Variants in REEP5 observed in about 807,000 individuals in gnomAD.
REEP5 encodes receptor expression-enhancing protein 5.
Under a neutral mutation model 22.4 loss-of-function variants are expected in REEP5, and 24 were observed. The observed-to-expected ratio is 1.07, with a 90% CI of 0.78 to 1.51. The LOEUF is 1.51. REEP5 is among the 40% of genes most tolerant of loss of function. REEP5 has a pLI of 0.00. For synonymous variants in REEP5, 103 were observed against 88.6 expected (o/e 1.16, Z -0.92); for missense variants, 252 against 233.0 (o/e 1.08, Z -0.53).
In REEP5 at chr5:112,899,097, G is replaced by A. The variant is rs548127042; in HGVS notation, c.351+3283C>T. On this transcript the variant is annotated intron_variant, in intron 3 of 4. Coordinates refer to ENST00000379638, the MANE Select transcript of REEP5 (RefSeq NM_005669.5). ...TGTTCTATTACTTTTTTTCTTTTTCGAGACAGGGTCTCACTCTGTCACCCA... is the reference window on the plus strand; with the variant it reads ...TGTTCTATTACTTTTTTTCTTTTTCAAGACAGGGTCTCACTCTGTCACCCA... Among the ~76,000 whole-genome samples the A allele has an allele frequency of 4.6e-5, 7 of 151,176 alleles. No individual in the cohort carries two copies. The East Asian group carries it at 1.4e-3, about 29-fold the overall frequency.
chr5:112,879,047 G>A lies in REEP5; in HGVS notation c.521-212C>T, dbSNP rs562536984. On this transcript the variant is annotated intron_variant, in intron 4 of 4. Transcript: ENST00000379638. ...TAGAGCACAAATCCTAAATACTTGA[G>A]CAAAATACTTGAAGGTCATCTAGCC... Among the ~76,000 whole-genome samples, 13 of 152,146 alleles carry A rather than the reference G, an allele frequency of 8.5e-5. 1 individual carries two copies. The Middle Eastern group carries it at 0.027, about 318-fold the overall frequency.
intron 4 of REEP5, among the ~76,000 whole-genome samples, chr5:112,883,453 A>C (rs1037531933): frequency 3.9e-5 from 6 of 152,162 alleles, no homozygotes; most frequent in African/African-American, 1.2e-4. Context: ...GGGATACCAC[A>C]CGCTCATGGT....
At chr5:112,878,992 GGGTTT>G (rs1478525732) in intron 4 of REEP5, among the ~76,000 whole-genome samples, 157 bp from the exon 5 acceptor site, 1 of 151,912 alleles carries the variant, frequency 6.6e-6, no homozygotes, top group Non-Finnish European at 1.5e-5. Flanking sequence ...TGGGCTAAGA[GGGTTT>G]CCAGGAAATG....
At chr5:112,900,841 CTT>C (rs538292150) in intron 3 of REEP5, among the ~76,000 whole-genome samples, 6 of 143,822 alleles carry the variant, frequency 4.2e-5, no homozygotes, top group Non-Finnish European at 4.6e-5. Context: ...GAATATATTT[CTT>C]TTTTTTTTTT....
intron 3 of REEP5, chr5:112,892,387 C>G: frequency 6.2e-7 from 1 of 1,614,066 alleles, no homozygotes; most frequent in South Asian, 1.1e-5. Context: ...GGATGTGTTG[C>G]CCGAGTTCAA....
chr5:112,920,144 G>A (rs969502793), intron 2 of REEP5, among the ~76,000 whole-genome samples: 23 of 152,086 alleles, frequency 1.5e-4, no homozygotes, highest in African/African-American at 5.3e-4. Flanking sequence ...TGTCTGTACC[G>A]GACTAACACA....
At chr5:112,884,750 T>A (rs1489469546) in intron 4 of REEP5, among the ~76,000 whole-genome samples, 2 of 148,456 alleles carry the variant, frequency 1.3e-5, no homozygotes, top group Non-Finnish European at 3.0e-5. Context: ...CGTCTCTATT[T>A]AAAATCATAA....
chr5:112,899,436 C>T (rs1272168394), intron 3 of REEP5, among the ~76,000 whole-genome samples: 1 of 152,118 alleles, frequency 6.6e-6, no homozygotes, highest in Non-Finnish European at 1.5e-5. Context: ...AAAGCTAGCA[C>T]AACTGTCCTG....
In REEP5 at chr5:112,921,021, C is replaced by CCCA. The variant is rs1289499221; in HGVS notation, c.212+139_212+141dup. ...AGGTTCCAAAATGGTGAATACTATC[C>CCCA]CCACCCCTTATGTCCAACCTCATCC... is the stretch of plus-strand genomic sequence containing the variant. On this transcript the variant is annotated intron_variant, in intron 2 of 4. Transcript: ENST00000379638. The CCCA allele has an allele frequency of 1.7e-4, 121 of 732,150 alleles. No homozygotes were observed. In the East Asian group the frequency reaches 3.3e-3, roughly 20 times the overall value. The allele number at this position is 732,150 out of a possible 1,614,324, so 45.4% of individuals were successfully genotyped here.
chr5:112,921,113 G>T lies in REEP5; in HGVS notation c.212+50C>A, dbSNP rs568639529. The T allele has an allele frequency of 4.4e-5, 69 of 1,561,338 alleles. No individual in the cohort carries two copies. In the South Asian group the frequency reaches 7.3e-4, roughly 17 times the overall value. On this transcript the variant is annotated intron_variant, in intron 2 of 4. Coordinates refer to ENST00000379638, the MANE Select transcript of REEP5 (RefSeq NM_005669.5). ...GTGCAGTCTACTGCAGCAGCCCTGC[G>T]GGGAGGAATGGAGGAAGGGAAGGGG...
At chr5:112,895,358 TGAA>T (rs1244558227) in intron 3 of REEP5, 1 of 152,038 alleles carries the variant, frequency 6.6e-6, no homozygotes. Context: ...TTAATGTACT[TGAA>T]GAAAGTGTAC....
rs111572843 is a variant in REEP5 at position 112,903,702 on chromosome 5, G to C, written c.213-1184C>G. Among the ~76,000 whole-genome samples the C allele has an allele frequency of 7.6e-3, 1,163 of 152,300 alleles. 18 individuals carry two copies. The highest frequency in any genetic ancestry group is 0.027 in the African/African-American group (1,103 of 41,556). On this transcript the variant is annotated intron_variant, in intron 2 of 4. Coordinates refer to ENST00000379638, the MANE Select transcript of REEP5 (RefSeq NM_005669.5). Reference sequence around the variant, plus strand: ...AAGAAAGCCCTTGTACAGTTAATTAGAAGCAGCTATGTGTGTGAGTTTTAG... The same window carrying C: ...AAGAAAGCCCTTGTACAGTTAATTACAAGCAGCTATGTGTGTGAGTTTTAG...
intron 3 of REEP5, chr5:112,898,205 G>C (rs1003123456): frequency 6.6e-6 from 1 of 152,234 alleles, no homozygotes; most frequent in African/African-American, 2.4e-5. Context: ...CTACAGACGA[G>C]ACTCTGCAAT....
Position 112,891,470 on chromosome 5 carries a change from G to A in REEP5, c.352-4287C>T, listed in dbSNP as rs910172733. On this transcript the variant is annotated intron_variant, in intron 3 of 4. Coordinates refer to ENST00000379638, the MANE Select transcript of REEP5 (RefSeq NM_005669.5). ...AAAAAAGTCTAACTGCAATATAAAG[G>A]AGAAACAAAATGAAAGTAATTTGTA... The A allele has an allele frequency of 5.8e-6, 5 of 866,914 alleles. No individual in the cohort carries two copies. In the African/African-American group the frequency reaches 6.9e-5, roughly 12 times the overall value. The allele number at this position is 866,914 out of a possible 1,614,324, so 53.7% of individuals were successfully genotyped here.
chr5:112,883,487 C>G (rs973982705), intron 4 of REEP5, among the ~76,000 whole-genome samples: 22 of 152,290 alleles, frequency 1.4e-4, no homozygotes, highest in Non-Finnish European at 2.6e-4. Flanking sequence ...CAATTGGCCA[C>G]TCCTTATCAG....
intron 2 of REEP5, among the ~76,000 whole-genome samples, chr5:112,916,338 T>C (rs1016066602): frequency 6.6e-6 from 1 of 152,250 alleles, no homozygotes; most frequent in African/African-American, 2.4e-5. Flanking sequence ...TCCCTTGAGA[T>C]ACTTGTCTCT....
chr5:112,898,194 C>T (rs754389209), intron 3 of REEP5: 8 of 152,248 alleles, frequency 5.3e-5, no homozygotes, highest in African/African-American at 1.4e-4. Flanking sequence ...TGAACCTTCT[C>T]CTACAGACGA....
chr5:112,886,445 G>A (rs115156503), intron 4 of REEP5, among the ~76,000 whole-genome samples: 1,810 of 152,228 alleles, frequency 0.012, 9 homozygotes, highest in Middle Eastern at 0.037. Context: ...TTCTCCTCCC[G>A]CTTTTTGGCA....
At chr5:112,891,084 T>A (rs1768429154) in intron 3 of REEP5, among the ~76,000 whole-genome samples, 1 of 150,432 alleles carries the variant, frequency 6.6e-6, no homozygotes, top group Non-Finnish European at 1.5e-5. Flanking sequence ...TTTTATTTTT[T>A]ATTTTTGAGA....
Sources: allele counts gnomAD v4.1 joint callset (sites outside exome capture counted in the v4.1 genomes callset), GRCh38; gene constraint gnomAD v4.1.1; transcripts MANE v1.5; gene names NCBI Gene and HGNC (gene_info 2026-07-23, HGNC 2026-07-21).